Variants in SPOP observed in about 807,000 individuals in gnomAD.
SPOP encodes the protein speckle-type POZ protein.
In SPOP, 11 loss-of-function variants were observed where a neutral mutation model predicts 45.6. That is an observed-to-expected ratio of 0.24 (90% CI 0.15 to 0.40). SPOP has a LOEUF of 0.40. SPOP is among the 10% of genes least tolerant of loss of function. SPOP has a pLI of 1.00. For missense variants in SPOP, 152 were observed against 465.6 expected, an observed-to-expected ratio of 0.33 and a Z score of 6.20; for synonymous variants, 166 against 166.3, an observed-to-expected ratio of 1.00 and a Z score of 0.01.
intron 1 of SPOP, among the ~76,000 whole-genome samples, chr17:49,670,006 A>G (rs2073117566): frequency 6.6e-6 from 1 of 152,166 alleles, no homozygotes; most frequent in African/African-American, 2.4e-5. Context: ...GGAGATTTAC[A>G]CTAACAGCTT....
chr17:49,655,328 G>A (rs1321571744), intron 1 of SPOP, among the ~76,000 whole-genome samples: 40 of 152,050 alleles, frequency 2.6e-4, no homozygotes, highest in Admixed American at 2.4e-3. Flanking sequence ...TGGCTAACAC[G>A]GTGAAACCCC....
chr17:49,607,733 TGCTCTCA>T, intron 7 of SPOP, 134 bp downstream of exon 7: 1 of 768,074 alleles, frequency 1.3e-6, no homozygotes, highest in Admixed American at 2.4e-5. Flanking sequence ...CACTTCTCTC[TGCTCTCA>T]GAAGGAGTTT....
chr17:49,671,432 C>T (rs984104749), intron 1 of SPOP, among the ~76,000 whole-genome samples: 6 of 151,518 alleles, frequency 4.0e-5, no homozygotes, highest in East Asian at 1.9e-4. Context: ...GCATCTAGGA[C>T]GGGAAAAATA....
chr17:49,674,056 A>C (rs2073170061), intron 1 of SPOP, among the ~76,000 whole-genome samples: 2 of 152,178 alleles, frequency 1.3e-5, no homozygotes, highest in African/African-American at 4.8e-5. Context: ...CTGAGGCAGG[A>C]GAATAGCTTG....
At chr17:49,677,597 G>C (rs1007431715) in intron 1 of SPOP, among the ~76,000 whole-genome samples, 14 of 152,012 alleles carry the variant, frequency 9.2e-5, no homozygotes, top group African/African-American at 2.2e-4. Context: ...GAAGCAGCCC[G>C]AGCGCGTTCA....
chr17:49,666,503 G>A lies in SPOP; in HGVS notation c.-67+11430C>T, dbSNP rs2073061991. 2.8e-5 allele frequency among the ~76,000 whole-genome samples: 4 copies of A among 141,448 alleles called. No homozygotes were observed. The South Asian group carries it at 9.0e-4, about 32-fold the overall frequency. The allele number at this position is 141,448 out of a possible 152,430, so 92.8% of individuals were successfully genotyped here. A position where few individuals can be genotyped will look rare whatever the true frequency, so the allele number is the denominator to read the frequency against. The stretch of plus-strand genomic sequence containing the variant: ...CACACACACACACACACCCATATAG[G>A]AACAATATAATAAATCTGATTGCAT... On this transcript the variant is annotated intron_variant, in intron 1 of 9. Coordinates refer to ENST00000504102, the MANE Select transcript of SPOP (RefSeq NM_001007228.2).
At chr17:49,607,827 A>G (rs768410563) in intron 7 of SPOP, 47 bp downstream of exon 7, 2 of 1,549,368 alleles carry the variant, frequency 1.3e-6, no homozygotes, top group Non-Finnish European at 8.8e-7. Flanking sequence ...AAATCATCTG[A>G]CTCTAGATAC....
chr17:49,645,838 C>T (rs910207189), intron 1 of SPOP, among the ~76,000 whole-genome samples: 1 of 151,426 alleles, frequency 6.6e-6, no homozygotes, highest in African/African-American at 2.4e-5. Flanking sequence ...GTTTTTCCTC[C>T]TTCTTCCTTG....
At chr17:49,652,231 ACTTCTAGT>A (rs1333117834) in intron 1 of SPOP, among the ~76,000 whole-genome samples, 1 of 152,188 alleles carries the variant, frequency 6.6e-6, no homozygotes, top group Admixed American at 6.5e-5. Context: ...AATCTGAAAC[ACTTCTAGT>A]CCCAAGCATT....
At chr17:49,643,185 TC>T (rs1383025816) in intron 1 of SPOP, among the ~76,000 whole-genome samples, 3 of 152,234 alleles carry the variant, frequency 2.0e-5, no homozygotes, top group African/African-American at 7.2e-5. Flanking sequence ...AGAAAGGAAG[TC>T]CTACTCAAAC....
intron 1 of SPOP, among the ~76,000 whole-genome samples, chr17:49,654,717 G>A (rs181961032): frequency 3.3e-5 from 5 of 152,208 alleles, no homozygotes; most frequent in East Asian, 1.9e-4. Context: ...CCTGGGAGGC[G>A]GAGGTTGCAG....
At chr17:49,641,848 C>G (rs2072658355) in intron 1 of SPOP, among the ~76,000 whole-genome samples, 1 of 151,884 alleles carries the variant, frequency 6.6e-6, no homozygotes, top group Admixed American at 6.6e-5. Context: ...ATGGTGAAAC[C>G]CTGTCTCTAC....
chr17:49,630,175 TGAC>T (rs1371888742), intron 1 of SPOP, among the ~76,000 whole-genome samples: 12 of 152,210 alleles, frequency 7.9e-5, no homozygotes, highest in Admixed American at 5.9e-4. Flanking sequence ...CCAAAAAGAT[TGAC>T]GACAATTGCA....
intron 1 of SPOP, among the ~76,000 whole-genome samples, chr17:49,670,636 G>T (rs1396555722): frequency 2.0e-5 from 3 of 152,178 alleles, no homozygotes; most frequent in Non-Finnish European, 4.4e-5. Flanking sequence ...ATGCAGTTCT[G>T]CTGTATCTTT....
chr17:49,617,179 C>T (rs2072106744), intron 5 of SPOP, among the ~76,000 whole-genome samples: 1 of 152,150 alleles, frequency 6.6e-6, no homozygotes, highest in Non-Finnish European at 1.5e-5. Flanking sequence ...CCTAACACTG[C>T]CAGATGCAGT....
intron 1 of SPOP, among the ~76,000 whole-genome samples, chr17:49,663,615 T>C (rs1355657407): frequency 6.6e-6 from 1 of 152,220 alleles, no homozygotes; most frequent in African/African-American, 2.4e-5. Flanking sequence ...GAAGTATGCA[T>C]AAAGCACTTC....
At chr17:49,610,627 G>A (rs568492395) in intron 6 of SPOP, among the ~76,000 whole-genome samples, 11 of 152,292 alleles carry the variant, frequency 7.2e-5, no homozygotes, top group Non-Finnish European at 1.0e-4. Context: ...ATGACGGAGC[G>A]GAGGGTCTTA....
intron 5 of SPOP, among the ~76,000 whole-genome samples, chr17:49,617,732 T>C (rs1300145699): frequency 6.6e-6 from 1 of 151,982 alleles, no homozygotes; most frequent in East Asian, 1.9e-4. Flanking sequence ...GAGACCAGCC[T>C]GGCCAACATG....
chr17:49,668,704 A>G (rs768783827), intron 1 of SPOP, among the ~76,000 whole-genome samples: 1 of 152,020 alleles, frequency 6.6e-6, no homozygotes, highest in Non-Finnish European at 1.5e-5. Context: ...CTATATGTTT[A>G]AGATATACAT....
Sources: gnomAD v4.1 joint callset for allele counts (sites outside exome capture counted in the v4.1 genomes callset) on GRCh38, gnomAD v4.1.1 for gene constraint, MANE v1.5 for transcripts, NCBI Gene and HGNC (gene_info 2026-07-23, HGNC 2026-07-21) for gene names.